PCDHGA7: variants seen among roughly 807,000 people sequenced by gnomAD.
PCDHGA7 encodes protocadherin gamma-A7.
In PCDHGA7, 44 loss-of-function variants were observed where a neutral mutation model predicts 58.3. That is an observed-to-expected ratio of 0.75 (90% CI 0.59 to 0.97). The LOEUF is 0.97. PCDHGA7 is among the 50% of genes least tolerant of loss of function. PCDHGA7 has a pLI of 0.00. For synonymous variants in PCDHGA7, 516 were observed against 504.2 expected (o/e 1.02, Z -0.31); for missense variants, 1,266 against 1,188.7 (o/e 1.06, Z -0.96).
intron 1 of PCDHGA7, chr5:141,394,606 C>T (rs747606142): frequency 3.1e-6 from 5 of 1,613,486 alleles, no homozygotes; most frequent in Admixed American, 1.7e-5. Context: ...GACAGAGACT[C>T]GGGCCAGAAC....
intron 1 of PCDHGA7, chr5:141,422,609 A>G: frequency 6.2e-7 from 1 of 1,613,882 alleles, no homozygotes; most frequent in Non-Finnish European, 8.5e-7. Context: ...TACTCTGCCT[A>G]CATTCCCGAA....
chr5:141,427,924 G>T, intron 1 of PCDHGA7: 1 of 1,580,140 alleles, frequency 6.3e-7, no homozygotes, highest in Non-Finnish European at 8.7e-7. Flanking sequence ...ATGAGCCGGC[G>T]CATGTTGGTG....
rs1221067458 is a variant in PCDHGA7 at position 141,491,658 on chromosome 5, C to T, written c.2425-3149C>T. The T allele has an allele frequency of 3.1e-6, 5 of 1,613,822 alleles. No individual in the cohort carries two copies. The highest frequency in any genetic ancestry group is 2.2e-5 in the South Asian group (2 of 91,088). Reference sequence around the variant, plus strand: ...CCACAGCTCTGGCGCTGGAGCCTGACGCCATCCGGTCCCGCTCTAATACGC... The same window carrying T: ...CCACAGCTCTGGCGCTGGAGCCTGATGCCATCCGGTCCCGCTCTAATACGC... On this transcript the variant is annotated intron_variant, in intron 1 of 3. Coordinates refer to ENST00000518325, the MANE Select transcript of PCDHGA7 (RefSeq NM_018920.4). The surrounding 1 kb of genome is among the most constrained non-coding windows in gnomAD (Gnocchi z 6.9).
intron 1 of PCDHGA7, among the ~76,000 whole-genome samples, chr5:141,437,929 G>A (rs1479763331): frequency 6.6e-6 from 1 of 151,960 alleles, no homozygotes; most frequent in East Asian, 1.9e-4. Context: ...GTAGAGATGG[G>A]GTTTCACCAT....
At chr5:141,455,225 C>CA (rs2098817003) in intron 1 of PCDHGA7, among the ~76,000 whole-genome samples, 2 of 151,666 alleles carry the variant, frequency 1.3e-5, no homozygotes, top group South Asian at 2.1e-4. Context: ...AATGCTTTGA[C>CA]AAAAAATGTT....
intron 1 of PCDHGA7, among the ~76,000 whole-genome samples, chr5:141,387,032 T>C (rs993852019): frequency 6.6e-6 from 1 of 152,202 alleles, no homozygotes; most frequent in Admixed American, 6.5e-5. Context: ...TTGTATTTCA[T>C]AACCAGTAAA....
chr5:141,428,111 C>G (rs760446304), intron 1 of PCDHGA7: 2 of 1,607,622 alleles, frequency 1.2e-6, no homozygotes, highest in Non-Finnish European at 1.7e-6. Context: ...TGCTGCAGGC[C>G]ATCGAGCCCG....
chr5:141,423,489 T>C (rs764165685), intron 1 of PCDHGA7: 1 of 1,614,016 alleles, frequency 6.2e-7, no homozygotes, highest in South Asian at 1.1e-5. Context: ...TGCAAACCTA[T>C]TCCCACGAGG....
At chr5:141,395,407 G>T (rs1467176036) in intron 1 of PCDHGA7, 3 of 826,654 alleles carry the variant, frequency 3.6e-6, no homozygotes, top group Non-Finnish European at 5.4e-6. Context: ...ATAGTCATAG[G>T]TTATTGTTTC....
At chr5:141,473,375 T>C (rs1433212994) in intron 1 of PCDHGA7, among the ~76,000 whole-genome samples, 1 of 152,192 alleles carries the variant, frequency 6.6e-6, no homozygotes, top group African/African-American at 2.4e-5. Flanking sequence ...AATAGCATGG[T>C]CCCTGCCCTC....
chr5:141,507,075 C>T (rs1006779614), intron 3 of PCDHGA7: 25 of 152,176 alleles, frequency 1.6e-4, no homozygotes, highest in Admixed American at 1.1e-3. Context: ...CCTGGCTCAA[C>T]TCCTAAGTTT....
Position 141,477,464 on chromosome 5 carries a change from A to G in PCDHGA7, c.2425-17343A>G. The G allele has an allele frequency of 1.2e-6, 2 of 1,614,188 alleles. No homozygotes were observed. The highest frequency in any genetic ancestry group is 1.7e-6 in the Non-Finnish European group (2 of 1,180,034). On this transcript the variant is annotated intron_variant, in intron 1 of 3. Coordinates refer to ENST00000518325, the MANE Select transcript of PCDHGA7 (RefSeq NM_018920.4). This position sits in a 1 kb window ranked among gnomAD's most constrained non-coding sequence, Gnocchi z 4.9. ...AATAGTGCGTGTTCAAGTGTCCGAC[A>G]TCAATGACAACCCTCCACAATCTTC...
At chr5:141,405,410 T>C (rs1483035668) in intron 1 of PCDHGA7, 2 of 1,557,296 alleles carry the variant, frequency 1.3e-6, no homozygotes, top group Non-Finnish European at 1.8e-6. Context: ...TTCTTTTCTT[T>C]TTTTGTTTTT....
intron 1 of PCDHGA7, chr5:141,389,614 C>G: frequency 6.2e-7 from 1 of 1,613,062 alleles, no homozygotes; most frequent in South Asian, 1.1e-5. Flanking sequence ...GATATGGTGC[C>G]GCACGCTGCA....
intron 1 of PCDHGA7, chr5:141,389,736 G>A: frequency 6.2e-7 from 1 of 1,612,710 alleles, no homozygotes; most frequent in Non-Finnish European, 8.5e-7. Flanking sequence ...CTTCAGCCTG[G>A]GGCTGCGCAC....
At chr5:141,419,190 A>G in intron 1 of PCDHGA7, 1 of 1,613,930 alleles carries the variant, frequency 6.2e-7, no homozygotes, top group South Asian at 1.1e-5. Flanking sequence ...CACATTACTG[A>G]CGTCAATGAC....
intron 1 of PCDHGA7, chr5:141,405,047 G>C: frequency 1.2e-6 from 2 of 1,613,944 alleles, no homozygotes; most frequent in Non-Finnish European, 1.7e-6. Flanking sequence ...GGCTGTGGCA[G>C]TCGTCTCCTG....
intron 1 of PCDHGA7, chr5:141,397,972 G>T: frequency 2.6e-6 from 3 of 1,155,564 alleles, no homozygotes; most frequent in Non-Finnish European, 3.6e-6. Flanking sequence ...ACTCCCCAGC[G>T]CCGGCCTTTA....
chr5:141,416,791 G>C (rs1389798483), intron 1 of PCDHGA7: 1 of 152,166 alleles, frequency 6.6e-6, no homozygotes, highest in Non-Finnish European at 1.5e-5. Flanking sequence ...TCTACTAAAT[G>C]TGGTAGTATA....
Sources: gnomAD v4.1 joint callset for allele counts (sites outside exome capture counted in the v4.1 genomes callset) on GRCh38, gnomAD v4.1.1 for gene constraint, Gnocchi (gnomAD v3.1) non-coding constraint, MANE v1.5 for transcripts, NCBI Gene and HGNC (gene_info 2026-07-23, HGNC 2026-07-21) for gene names.